CSMD1: variants seen among roughly 807,000 people sequenced by gnomAD.
The protein encoded by CSMD1 is CUB and sushi domain-containing protein 1.
Under a neutral mutation model 417.5 loss-of-function variants are expected in CSMD1, and 213 were observed. The observed-to-expected ratio is 0.51, with a 90% confidence interval of 0.46 to 0.57. CSMD1 has a LOEUF of 0.57. Ranked by LOEUF, CSMD1 falls within the 20% of genes least tolerant of loss-of-function variation. The pLI, the probability that CSMD1 is intolerant of heterozygous loss-of-function variation, is 0.00. For missense variants in CSMD1, 6,923 were observed against 4,529.7 expected (o/e 1.53, Z -15.17); for synonymous variants, 2,862 against 1,736.8 (o/e 1.65, Z -16.11).
chr8:3,306,601 T>A (rs1352977519), intron 25 of CSMD1, among the ~76,000 whole-genome samples: 2 of 152,112 alleles, frequency 1.3e-5, no homozygotes, highest in African/African-American at 4.8e-5. Flanking sequence ...AGATTAAGGC[T>A]ATTGGAGGTC....
chr8:3,271,162 A>C (rs1005271678), intron 26 of CSMD1, among the ~76,000 whole-genome samples: 1 of 142,136 alleles, frequency 7.0e-6, no homozygotes, highest in Admixed American at 7.8e-5. Flanking sequence ...CCCACCTTTG[A>C]GTGAGAATAT....
chr8:3,187,403 A>T (rs1047112096), intron 36 of CSMD1, among the ~76,000 whole-genome samples: 12 of 152,290 alleles, frequency 7.9e-5, no homozygotes, highest in African/African-American at 2.4e-4. Context: ...AGGAAGACTA[A>T]GAGAGGGTGG....
intron 36 of CSMD1, among the ~76,000 whole-genome samples, chr8:3,182,715 GAGA>G (rs1229852576): frequency 7.5e-6 from 1 of 133,696 alleles, no homozygotes; most frequent in Non-Finnish European, 1.6e-5. Context: ...ATTGTTAGTA[GAGA>G]AGGACTCTGG....
At chr8:4,637,216 G>A (rs1292933611) in intron 2 of CSMD1, 126 bp downstream of exon 2, 10 of 654,224 alleles carry the variant, frequency 1.5e-5, no homozygotes, top group African/African-American at 8.5e-5. Flanking sequence ...TGAAGTCAGC[G>A]AGGCCACGAA....
At chr8:4,630,864 G>T (rs531196374) in intron 2 of CSMD1, among the ~76,000 whole-genome samples, 1 of 152,090 alleles carries the variant, frequency 6.6e-6, no homozygotes, top group Non-Finnish European at 1.5e-5. Context: ...CCAGGCCCTG[G>T]TTCTGGGATC....
intron 10 of CSMD1, among the ~76,000 whole-genome samples, chr8:3,570,522 G>A (rs180990808): frequency 6.6e-6 from 1 of 151,296 alleles, no homozygotes; most frequent in African/African-American, 2.4e-5. Context: ...GGTTGCAGAC[G>A]TCTTGAGAAC....
chr8:4,275,966 A>G (rs1048620708), intron 3 of CSMD1, among the ~76,000 whole-genome samples: 1 of 152,228 alleles, frequency 6.6e-6, no homozygotes, highest in East Asian at 1.9e-4. Context: ...AAAAGTCAGG[A>G]AACAGCAGAT....
intron 2 of CSMD1, among the ~76,000 whole-genome samples, chr8:4,441,765 G>C (rs1309838179): frequency 6.6e-6 from 1 of 152,082 alleles, no homozygotes; most frequent in South Asian, 2.1e-4. Context: ...CAGTCCATTT[G>C]ACTGACTAAT....
At chr8:4,716,529 C>T (rs1367501401) in intron 1 of CSMD1, among the ~76,000 whole-genome samples, 1 of 152,114 alleles carries the variant, frequency 6.6e-6, no homozygotes, top group East Asian at 1.9e-4. Flanking sequence ...TTTACACTTA[C>T]CTACTTTTAA....
intron 2 of CSMD1, among the ~76,000 whole-genome samples, chr8:4,605,051 G>T (rs1474786697): frequency 6.6e-6 from 1 of 152,116 alleles, no homozygotes; most frequent in African/African-American, 2.4e-5. Context: ...GGCCACCAAA[G>T]TCCTATCTAA....
chr8:4,728,437 C>T (rs765411159), intron 1 of CSMD1, among the ~76,000 whole-genome samples: 63 of 152,020 alleles, frequency 4.1e-4, no homozygotes, highest in Non-Finnish European at 7.2e-4. Flanking sequence ...AGAAGCATTT[C>T]AGTCTTGTTA....
chr8:4,631,346 G>C (rs1046220994), intron 2 of CSMD1, among the ~76,000 whole-genome samples: 1 of 151,922 alleles, frequency 6.6e-6, no homozygotes. Context: ...TGGGAGACAG[G>C]GCAAGATTCA....
At chr8:4,325,739 C>T (rs1240106527) in intron 3 of CSMD1, among the ~76,000 whole-genome samples, 5 of 152,028 alleles carry the variant, frequency 3.3e-5, no homozygotes, top group Admixed American at 6.6e-5. Context: ...ACTGAGAAGG[C>T]GTGAATGTTA....
At chr8:3,493,322 G>C (rs767163244) in intron 11 of CSMD1, among the ~76,000 whole-genome samples, 2 of 149,990 alleles carry the variant, frequency 1.3e-5, no homozygotes, top group Admixed American at 1.3e-4. Flanking sequence ...AGGGGGGGCG[G>C]AGGGGTTGAT....
chr8:4,086,931 C>G (rs1026629081), intron 3 of CSMD1, among the ~76,000 whole-genome samples: 1 of 152,228 alleles, frequency 6.6e-6, no homozygotes, highest in Non-Finnish European at 1.5e-5. Flanking sequence ...GTTAAACTCA[C>G]TAACCAGCTG....
At chr8:4,127,917 C>A (rs531913619) in intron 3 of CSMD1, among the ~76,000 whole-genome samples, 1 of 152,162 alleles carries the variant, frequency 6.6e-6, no homozygotes, top group Non-Finnish European at 1.5e-5. Context: ...TACTCTGACT[C>A]CAGAGCATGC....
Position 3,291,667 on chromosome 8 carries a change from G to A in CSMD1, c.3951-7321C>T, listed in dbSNP as rs192814432. Among the ~76,000 whole-genome samples the A allele has an allele frequency of 2.2e-4, 33 of 152,230 alleles. No homozygotes were observed. In the East Asian group the frequency reaches 5.2e-3, roughly 24 times the overall value. On this transcript the variant is annotated intron_variant, in intron 25 of 69. Coordinates refer to ENST00000635120, the MANE Select transcript of CSMD1 (RefSeq NM_033225.6). The stretch of plus-strand genomic sequence containing the variant: ...AGTTTGTGTTTCTGTGGGATCGGTG[G>A]TGATATTACCTTTATCATTTTTTAT...
intron 33 of CSMD1, among the ~76,000 whole-genome samples, chr8:3,198,376 T>C (rs1428726728): frequency 2.0e-5 from 3 of 152,234 alleles, no homozygotes; most frequent in Non-Finnish European, 4.4e-5. Context: ...TTTTGCAAAG[T>C]CAGATAGAAT....
At chr8:4,452,464 C>T (rs1476987649) in intron 2 of CSMD1, among the ~76,000 whole-genome samples, 1 of 152,138 alleles carries the variant, frequency 6.6e-6, no homozygotes, top group Non-Finnish European at 1.5e-5. Flanking sequence ...CAGGCATTAC[C>T]CACTCATATT....
Sources: allele counts gnomAD v4.1 joint callset (sites outside exome capture counted in the v4.1 genomes callset), GRCh38; gene constraint gnomAD v4.1.1; transcripts MANE v1.5; gene names NCBI Gene and HGNC (gene_info 2026-07-23, HGNC 2026-07-21).